Variants in ITGB5 observed in about 807,000 individuals in gnomAD.
ITGB5 encodes the protein integrin subunit beta 5.
A neutral mutation model predicts 84.8 loss-of-function variants in ITGB5; 38 were observed. That is an observed-to-expected ratio of 0.45 (90% CI 0.35 to 0.59). The LOEUF (loss-of-function observed/expected upper bound fraction) is 0.59, where lower values mean the gene tolerates loss of function less well. ITGB5 is among the 20% of genes least tolerant of loss of function. ITGB5 has a pLI of 0.01. For synonymous variants in ITGB5, 393 were observed against 414.4 expected, an observed-to-expected ratio of 0.95 and a Z score of 0.63; for missense variants, 905 against 1,034.5, an observed-to-expected ratio of 0.87 and a Z score of 1.72.
rs561928385 is a variant in ITGB5, at chr3:124,782,730, C to G, written c.1694-8818G>C. ...AAAATTAGCTGGGTGTGGTGGCACA[C>G]GCTTGTAATCCCAGCTACTCAGAAG... On this transcript the variant is annotated intron_variant, in intron 10 of 14. Coordinates refer to ENST00000296181, the MANE Select transcript of ITGB5 (RefSeq NM_002213.5). 9.2e-5 allele frequency among the ~76,000 whole-genome samples: 14 copies of G among 152,152 alleles called. No homozygotes were observed. The East Asian group carries it at 2.7e-3, about 29-fold the overall frequency.
At chr3:124,857,456 A>G (rs943258660) in intron 3 of ITGB5, 1 of 152,306 alleles carries the variant, frequency 6.6e-6, no homozygotes, top group African/African-American at 2.4e-5. Context: ...AGGGCCTCCA[A>G]GCTAGGGACA....
At chr3:124,824,527 C>A (rs2064755262) in intron 5 of ITGB5, among the ~76,000 whole-genome samples, 1 of 152,088 alleles carries the variant, frequency 6.6e-6, no homozygotes, top group African/African-American at 2.4e-5. Flanking sequence ...ATGAACTGGG[C>A]TTCATCAAAA....
intron 3 of ITGB5, among the ~76,000 whole-genome samples, chr3:124,849,427 T>C (rs2065122441): frequency 6.6e-6 from 1 of 152,148 alleles, no homozygotes; most frequent in Non-Finnish European, 1.5e-5. Flanking sequence ...ATATGCATGC[T>C]TATGCCACAT....
intron 13 of ITGB5, 150 bp downstream of exon 13, chr3:124,766,076 A>AT: frequency 1.3e-6 from 1 of 758,294 alleles, no homozygotes; most frequent in Non-Finnish European, 2.0e-6. Context: ...AAAAAAAAAA[A>AT]GAAAAAGAAG....
At chr3:124,766,981 C>G (rs746558355) in intron 12 of ITGB5, among the ~76,000 whole-genome samples, 6 of 152,228 alleles carry the variant, frequency 3.9e-5, no homozygotes, top group Non-Finnish European at 7.3e-5. Context: ...TAAGAAGCCC[C>G]TTCCTCAAGC....
chr3:124,808,901 T>C, intron 9 of ITGB5, 121 bp downstream of exon 9: 2 of 1,139,424 alleles, frequency 1.8e-6, no homozygotes, highest in South Asian at 1.5e-5. Flanking sequence ...TCTGGGATGC[T>C]GAATTGGAAA....
rs562901197 is a variant in ITGB5, at chr3:124,797,550, C to T, written c.1264-733G>A. On this transcript the variant is annotated intron_variant, in intron 9 of 14. Coordinates refer to ENST00000296181, the MANE Select transcript of ITGB5 (RefSeq NM_002213.5). ...AAACAGAATATGTAAGGAAGTGTTT[C>T]TCACTCAGGAGCTTCTCACAGATTG... Among the ~76,000 whole-genome samples the T allele has an allele frequency of 1.1e-4, 16 of 152,342 alleles. No individual in the cohort carries two copies. The South Asian group carries it at 3.3e-3, about 32-fold the overall frequency.
rs138747368 is a variant in ITGB5 at position 124,848,580 on chromosome 3, G to A, written c.362-22C>T. ...TCACCTGCACCAACAGAGAGGCCAC[G>A]TGTGTTAGAGGTTGTGCAACCTGCT... is the stretch of plus-strand genomic sequence containing the variant. On this transcript the variant is annotated intron_variant, in intron 3 of 14. Transcript: ENST00000296181. 361 of 1,601,908 alleles carry A rather than the reference G, an allele frequency of 2.3e-4. 1 individual carries two copies. Among genetic ancestry groups the A allele is most frequent in the East Asian group, 2.1e-3 (94 of 44,738 alleles).
chr3:124,764,850 T>C (rs6795142), intron 13 of ITGB5, among the ~76,000 whole-genome samples: 25,221 of 152,236 alleles, frequency 0.17, 2,302 homozygotes, highest in Admixed American at 0.25. Flanking sequence ...CCAGTCTCCA[T>C]TGCAGGATGC....
chr3:124,842,570 T>C (rs1223730294), intron 4 of ITGB5, among the ~76,000 whole-genome samples: 1 of 151,636 alleles, frequency 6.6e-6, no homozygotes, highest in Non-Finnish European at 1.5e-5. Flanking sequence ...TGGTGCAGAG[T>C]AACGGGTGAG....
At chr3:124,824,559 C>T (rs1263788328) in intron 5 of ITGB5, among the ~76,000 whole-genome samples, 1 of 152,042 alleles carries the variant, frequency 6.6e-6, no homozygotes, top group South Asian at 2.1e-4. Context: ...TTGTTCAAAA[C>T]CTTCTTTGAA....
intron 1 of ITGB5, among the ~76,000 whole-genome samples, chr3:124,898,331 G>C (rs1935147933): frequency 6.6e-6 from 1 of 151,838 alleles, no homozygotes; most frequent in Non-Finnish European, 1.5e-5. Context: ...AGGATATCGT[G>C]TAAGTTAATT....
chr3:124,840,666 T>C (rs1199615293), intron 5 of ITGB5, among the ~76,000 whole-genome samples: 3 of 151,486 alleles, frequency 2.0e-5, no homozygotes, highest in African/African-American at 7.3e-5. Flanking sequence ...TTCTTTCTTT[T>C]TTTTTTTTTT....
At position 124,773,882 on chromosome 3, in the gene ITGB5, T is replaced by C. The variant is rs772207772; in HGVS notation, c.1724A>G (p.Lys575Arg). 3.1e-6 allele frequency: 5 copies of C among 1,614,056 alleles called. No individual in the cohort carries two copies. Among genetic ancestry groups the C allele is most frequent in the African/African-American group, 1.3e-5 (1 of 74,942 alleles). ...GHGECHCGEC[K>R]CHAGYIGDNC... ...GTCCCCGATGTAACCTGCATGGCAC[T>C]TGCATTCCCCGCAGTGACACTCGCC... Residue 575 changes from lysine (K) to arginine (R), a missense_variant, in exon 11 of 15, where the codon AAG (lysine) becomes AGG (arginine). Around this residue, in one of 3 missense-constraint regions of ITGB5, gnomAD observed 116 missense variants for 177.0 expected, o/e 0.66. Coordinates refer to ENST00000296181, the MANE Select transcript of ITGB5 (RefSeq NM_002213.5).
intron 4 of ITGB5, among the ~76,000 whole-genome samples, 157 bp from the exon 5 acceptor site, chr3:124,841,708 T>A (rs1320806888): frequency 2.0e-5 from 3 of 152,192 alleles, no homozygotes; most frequent in African/African-American, 7.2e-5. Context: ...AGAGCAAAGA[T>A]AAATAACATA....
chr3:124,864,011 GAGAAAGAAAGA>G (rs943090966), intron 2 of ITGB5, among the ~76,000 whole-genome samples: 5 of 101,900 alleles, frequency 4.9e-5, no homozygotes, highest in Admixed American at 2.0e-4. Flanking sequence ...AGAGAGAGAG[GAGAAAGAAAGA>G]AGAAAGAAAG....
At chr3:124,828,371 CG>C (rs2064813702) in intron 5 of ITGB5, among the ~76,000 whole-genome samples, 1 of 152,096 alleles carries the variant, frequency 6.6e-6, no homozygotes, top group Non-Finnish European at 1.5e-5. Context: ...GATACACTAA[CG>C]GCGTGAATGA....
intron 10 of ITGB5, among the ~76,000 whole-genome samples, chr3:124,781,711 A>AC (rs1392940612): frequency 6.6e-6 from 1 of 152,224 alleles, no homozygotes; most frequent in Non-Finnish European, 1.5e-5. Context: ...GAACTTGCCA[A>AC]CTAAGGGCTG....
intron 5 of ITGB5, among the ~76,000 whole-genome samples, chr3:124,839,884 C>A (rs2064988478): frequency 6.6e-6 from 1 of 152,206 alleles, no homozygotes; most frequent in African/African-American, 2.4e-5. Flanking sequence ...GGCCACACTG[C>A]AGCCTTCCTG....
Sources: allele counts gnomAD v4.1 joint callset (sites outside exome capture counted in the v4.1 genomes callset), GRCh38; gene constraint gnomAD v4.1.1; regional missense constraint gnomAD v4.1.1; transcripts MANE v1.5; gene names NCBI Gene and HGNC (gene_info 2026-07-23, HGNC 2026-07-21).